Variants in EGFL7 observed in about 807,000 individuals in gnomAD.
The protein encoded by EGFL7 is EGF like domain multiple 7.
EGFL7 carries 48 observed loss-of-function variants against 37.1 expected under a neutral mutation model. The ratio of observed to expected loss-of-function variants is 1.29; its 90% CI spans 1.03 to 1.65. The LOEUF is 1.65. EGFL7 is among the 40% of genes most tolerant of loss of function. EGFL7 has a pLI of 0.00. For missense variants in EGFL7, 384 were observed against 378.9 expected (o/e 1.01, Z -0.11); for synonymous variants, 180 against 156.8 (o/e 1.15, Z -1.10).
chr9:136,665,382 C>T (rs370806059), intron 3 of EGFL7, among the ~76,000 whole-genome samples: 1 of 152,234 alleles, frequency 6.6e-6, no homozygotes, highest in Admixed American at 6.5e-5. Flanking sequence ...GGCCCCCCAG[C>T]GGCTGAGATG....
chr9:136,671,954 A>G lies in EGFL7; in HGVS notation c.665A>G (p.His222Arg). The change falls in exon 10 of 11, where the codon CAC (histidine) becomes CGC (arginine). Residue 222 changes from histidine (H) to arginine (R), a missense_variant. Transcript: ENST00000308874. Reference protein sequence around the residue: ...EKLQLVLAPLHSLASQALEHG... With the variant: ...EKLQLVLAPLRSLASQALEHG... Reference sequence around the variant, plus strand: ...CTGCAGCTGGTGCTGGCCCCACTGCACAGCCTGGCCTCGCAGGCACTGGAG... The same window carrying G: ...CTGCAGCTGGTGCTGGCCCCACTGCGCAGCCTGGCCTCGCAGGCACTGGAG... The G allele has an allele frequency of 6.5e-7, 1 of 1,532,900 alleles. No individual in the cohort carries two copies. Among genetic ancestry groups the G allele is most frequent in the Non-Finnish European group, 8.7e-7 (1 of 1,142,862 alleles). The allele number at this position is 1,532,900 out of a possible 1,614,324, so 95.0% of individuals were successfully genotyped here.
At chr9:136,664,136 G>A (rs1251562139) in intron 2 of EGFL7, among the ~76,000 whole-genome samples, 1 of 152,190 alleles carries the variant, frequency 6.6e-6, no homozygotes, top group Non-Finnish European at 1.5e-5. Context: ...GGCGCCAGGA[G>A]GCCTAGGACT....
intron 7 of EGFL7, 36 bp from the exon 8 acceptor site, chr9:136,670,133 C>CT: frequency 6.2e-7 from 1 of 1,612,084 alleles, no homozygotes; most frequent in African/African-American, 1.3e-5. Flanking sequence ...GGACCCCTCC[C>CT]GCAGGCATGG....
chr9:136,672,323 C>A lies in EGFL7; in HGVS notation c.*37C>A, dbSNP rs775608780. On this transcript the variant is annotated 3_prime_UTR_variant, in exon 11 of 11. Coordinates refer to ENST00000308874, the MANE Select transcript of EGFL7 (RefSeq NM_016215.5). ...CCCAGGCTGGACTGAGCCCCTCACG[C>A]CGCCCTGCAGCCCCCATGCCCCTGC... The A allele has an allele frequency of 1.7e-5, 28 of 1,612,880 alleles. No individual in the cohort carries two copies. The highest frequency in any genetic ancestry group is 2.3e-5 in the Non-Finnish European group (27 of 1,179,852).
chr9:136,670,555 G>A lies in EGFL7; in HGVS notation c.571+225G>A, dbSNP rs778607263. ...AAGAAGGCAGAAGTGCCCCGTCCCGGGGTCCTGTCTGCATCCAGCGCAGCA... is the reference window on the plus strand; with the variant it reads ...AAGAAGGCAGAAGTGCCCCGTCCCGAGGTCCTGTCTGCATCCAGCGCAGCA... On this transcript the variant is annotated intron_variant, in intron 8 of 10. Transcript: ENST00000308874. 5.0e-6 allele frequency: 4 copies of A among 793,792 alleles called. No homozygotes were observed. The Admixed American group carries it at 6.9e-5, about 14-fold the overall frequency. 49.2% of individuals were successfully genotyped at this position (793,792 alleles called of 1,614,324 possible). A position where few individuals can be genotyped will look rare whatever the true frequency, so the allele number is the denominator to read the frequency against.
rs545410035 is a variant in EGFL7 at position 136,671,580 on chromosome 9, TAC to T, written c.637-342_637-341del. ...CCAAGCTTGACAGCCCCCCAGACAA[TAC>T]ACAGAGCCTGGACCCAGACGAGACC... On this transcript the variant is annotated intron_variant, in intron 9 of 10. Transcript: ENST00000308874. Among the ~76,000 whole-genome samples the T allele has an allele frequency of 5.7e-3, 830 of 146,418 alleles. 1 individual carries two copies. The highest frequency in any genetic ancestry group is 9.4e-3 in the Non-Finnish European group (630 of 66,698).
In EGFL7 at chr9:136,670,700, G is replaced by A. The variant is rs7846878; in HGVS notation, c.572-250G>A. 7.3e-3 allele frequency: 5,599 copies of A among 770,642 alleles called. 162 individuals carry two copies. The highest frequency in any genetic ancestry group is 0.071 in the African/African-American group (4,193 of 59,084). 47.7% of individuals were successfully genotyped at this position (770,642 alleles called of 1,614,324 possible). The stretch of plus-strand genomic sequence containing the variant: ...CCGTCCACGGCACCGCATCGAAAAC[G>A]CCGCTGAGACCTCAGCCTTGACCTC... On this transcript the variant is annotated intron_variant, in intron 8 of 10. Transcript: ENST00000308874.
chr9:136,671,091 A>T, intron 9 of EGFL7, 77 bp downstream of exon 9: 1 of 958,026 alleles, frequency 1.0e-6, no homozygotes, highest in East Asian at 6.3e-5. Context: ...GTGGAGGGGC[A>T]GGCAGTCCAG....
chr9:136,666,543 C>T lies in EGFL7; in HGVS notation c.-42-1698C>T, dbSNP rs1368413906. 1.3e-5 allele frequency among the ~76,000 whole-genome samples: 2 copies of T among 152,180 alleles called. No individual in the cohort carries two copies. The highest frequency in any genetic ancestry group is 2.4e-5 in the African/African-American group (1 of 41,448). On this transcript the variant is annotated intron_variant, in intron 3 of 10. Coordinates refer to ENST00000308874, the MANE Select transcript of EGFL7 (RefSeq NM_016215.5). This position sits in a 1 kb window ranked among gnomAD's most constrained non-coding sequence, Gnocchi z 6.8. ...CGGCTCGGAGAGCACCACGGGCTTC[C>T]TCTGGCCTCGGGAAAACATGACTTT...
chr9:136,661,565 C>A, upstream of EGFL7, among the ~76,000 whole-genome samples: 1 of 152,176 alleles, frequency 6.6e-6, no homozygotes, highest in East Asian at 1.9e-4. Flanking sequence ...GCTCAGTGAC[C>A]ATGAAGCAGG....
At chr9:136,667,033 C>G (rs1432985113) in intron 3 of EGFL7, among the ~76,000 whole-genome samples, 1 of 152,178 alleles carries the variant, frequency 6.6e-6, no homozygotes, top group East Asian at 1.9e-4. Flanking sequence ...CCAGGAAGGA[C>G]CCCCAGCCAC....
chr9:136,664,095 G>A (rs1845312976), intron 2 of EGFL7, among the ~76,000 whole-genome samples: 1 of 152,294 alleles, frequency 6.6e-6, no homozygotes, highest in South Asian at 2.1e-4. Context: ...ACTGCTGGGG[G>A]CTAGGTAAGA....
upstream of EGFL7, among the ~76,000 whole-genome samples, chr9:136,660,989 T>A (rs1401836280): frequency 1.3e-5 from 2 of 151,714 alleles, no homozygotes; most frequent in Non-Finnish European, 2.9e-5. Context: ...TCCAGGGGCA[T>A]GCAGGTGGGG....
At chr9:136,664,219 C>G (rs1845321706) in intron 2 of EGFL7, among the ~76,000 whole-genome samples, 1 of 152,186 alleles carries the variant, frequency 6.6e-6, no homozygotes, top group Admixed American at 6.5e-5. Context: ...CCAGGGGCTT[C>G]CAGGGCCCCT....
At chr9:136,670,793 G>C (rs112088003) in intron 8 of EGFL7, 157 bp from the exon 9 acceptor site, 1 of 767,104 alleles carries the variant, frequency 1.3e-6, no homozygotes, top group Non-Finnish European at 2.3e-6. Flanking sequence ...AGGCGGCATA[G>C]CCCTGAGACC....
Position 136,668,586 on chromosome 9 carries a change from G to A in EGFL7, c.110G>A (p.Gly37Glu). 1 of 1,609,040 alleles carries A rather than the reference G, an allele frequency of 6.2e-7. No individual in the cohort carries two copies. The highest frequency in any genetic ancestry group is 1.1e-5 in the South Asian group (1 of 91,078). Reference sequence around the variant, plus strand: ...AGGGTGTGTGCTGTCCGGGCTCACGGGGACCCTGTCTCCGAGTCGTTCGTG... The same window carrying A: ...AGGGTGTGTGCTGTCCGGGCTCACGAGGACCCTGTCTCCGAGTCGTTCGTG... Reference protein sequence around the residue: ...GRRVCAVRAHGDPVSESFVQR... With the variant: ...GRRVCAVRAHEDPVSESFVQR... Residue 37 changes from glycine to glutamate, a missense_variant, in exon 5 of 11, where the codon GGG becomes GAG. Gly to Glu is a moderately conservative substitution (Grantham distance 98). Coordinates refer to ENST00000308874, the MANE Select transcript of EGFL7 (RefSeq NM_016215.5).
rs1845943409 is a variant in EGFL7, at chr9:136,672,029, TC to T, written c.741del (p.Gly248AlafsTer6). 6.5e-7 allele frequency: 1 copy of T among 1,544,834 alleles called. No individual in the cohort carries two copies. Among genetic ancestry groups the T allele is most frequent in the East Asian group, 2.4e-5 (1 of 40,926 alleles). On this transcript the variant is annotated frameshift_variant, in exon 10 of 11. Coordinates refer to ENST00000308874, the MANE Select transcript of EGFL7 (RefSeq NM_016215.5). LOFTEE classifies it high-confidence loss of function. ...CTCCTGGTGCACTCCTTCCAGCAGC[TC>T]GGCCGCATCGACTCCCTGAGCGAGC... ...GSLLVHSFQQ[L>X]GRIDSLSEQI...
Position 136,672,544 on chromosome 9 carries a change from G to A in EGFL7, c.*258G>A, listed in dbSNP as rs1051851. The A allele has an allele frequency of 0.17, 100,410 of 592,268 alleles. 9,463 individuals carry two copies. The highest frequency in any genetic ancestry group is 0.2 in the Non-Finnish European group (67,138 of 332,138). The allele number at this position is 592,268 out of a possible 1,614,324, so 36.7% of individuals were successfully genotyped here. Reference sequence around the variant, plus strand: ...CCAACGGCATCCCAAGGCCAGGTGGGCCCTCAGCTGAGGGAAGGTACGAGC... The same window carrying A: ...CCAACGGCATCCCAAGGCCAGGTGGACCCTCAGCTGAGGGAAGGTACGAGC... On this transcript the variant is annotated 3_prime_UTR_variant, in exon 11 of 11. Coordinates refer to ENST00000308874, the MANE Select transcript of EGFL7 (RefSeq NM_016215.5).
chr9:136,668,398 G>A (rs1292232701), intron 4 of EGFL7, 36 bp downstream of exon 4: 3 of 1,548,614 alleles, frequency 1.9e-6, no homozygotes, highest in Non-Finnish European at 2.6e-6. Context: ...GCTGGGGTGG[G>A]GGGACCGGGA....
Sources: allele counts gnomAD v4.1 joint callset (sites outside exome capture counted in the v4.1 genomes callset), GRCh38; gene constraint gnomAD v4.1.1; non-coding constraint Gnocchi (gnomAD v3.1); transcripts MANE v1.5; gene names NCBI Gene and HGNC (gene_info 2026-07-23, HGNC 2026-07-21).